CAST: variants seen among roughly 807,000 people sequenced by gnomAD.
CAST encodes calpastatin, also known as MIR583 host.
In CAST, 76 loss-of-function variants were observed where a neutral mutation model predicts 119.6. The ratio of observed to expected loss-of-function variants is 0.64; its 90% CI spans 0.53 to 0.77. The LOEUF (loss-of-function observed/expected upper bound fraction) is 0.77, where lower values mean the gene tolerates loss of function less well. Among genes scored for constraint, CAST ranks in the 30% least tolerant of loss-of-function variants. The pLI is 0.00. For missense variants in CAST, 953 were observed against 946.5 expected, an observed-to-expected ratio of 1.01 and a Z score of -0.09; for synonymous variants, 319 against 331.6, an observed-to-expected ratio of 0.96 and a Z score of 0.41.
the CAST span, among the ~76,000 whole-genome samples, chr5:96,243,951 G>A: frequency 6.6e-6 from 1 of 152,304 alleles, no homozygotes; most frequent in South Asian, 2.1e-4. Flanking sequence ...GATTAAGTGT[G>A]TTAATAACAT....
At chr5:96,431,280 T>C in the CAST span, among the ~76,000 whole-genome samples, 1 of 152,222 alleles carries the variant, frequency 6.6e-6, no homozygotes, top group Non-Finnish European at 1.5e-5. Context: ...CTGTTTTCTA[T>C]GCCTAGACTG....
chr5:96,243,461 A>T, the CAST span, among the ~76,000 whole-genome samples: 1 of 151,850 alleles, frequency 6.6e-6, no homozygotes, highest in Non-Finnish European at 1.5e-5. Context: ...CATTTTTAAA[A>T]TTTTTTTTGG....
At chr5:96,210,678 A>G in the CAST span, among the ~76,000 whole-genome samples, 2 of 152,118 alleles carry the variant, frequency 1.3e-5, no homozygotes, top group East Asian at 3.9e-4. Context: ...TTACTTTTTT[A>G]TATAAATGTT....
chr5:95,993,083 A>G, the CAST span, among the ~76,000 whole-genome samples: 13 of 152,328 alleles, frequency 8.5e-5, 1 homozygote, highest in South Asian at 2.7e-3. Context: ...AGATATAGCA[A>G]TGCAACACAA....
chr5:96,218,871 T>G, the CAST span, among the ~76,000 whole-genome samples: 5 of 152,006 alleles, frequency 3.3e-5, no homozygotes, highest in Non-Finnish European at 7.4e-5. Context: ...TCAGGGGAAG[T>G]TTAGAGTCAG....
chr5:96,380,902 A>C, the CAST span, among the ~76,000 whole-genome samples: 1 of 152,208 alleles, frequency 6.6e-6, no homozygotes, highest in East Asian at 1.9e-4. Flanking sequence ...AAGATAGACC[A>C]ATAGATTTTA....
the CAST span, among the ~76,000 whole-genome samples, chr5:96,399,469 A>G: frequency 1.3e-5 from 2 of 152,178 alleles, no homozygotes; most frequent in Admixed American, 1.3e-4. Flanking sequence ...GTGGTGTGCT[A>G]GAGGGAGTCT....
chr5:96,013,024 T>A, the CAST span, among the ~76,000 whole-genome samples: 1 of 152,188 alleles, frequency 6.6e-6, no homozygotes, highest in African/African-American at 2.4e-5. Flanking sequence ...GAGTTTCAGC[T>A]GAGCTGTAGG....
chr5:96,387,385 A>G, the CAST span, among the ~76,000 whole-genome samples: 3 of 152,222 alleles, frequency 2.0e-5, no homozygotes, highest in African/African-American at 7.2e-5. Context: ...AAGAATGACC[A>G]GAGCCAAGGG....
the CAST span, among the ~76,000 whole-genome samples, chr5:96,519,785 G>A: frequency 8.6e-5 from 13 of 152,000 alleles, no homozygotes; most frequent in Non-Finnish European, 1.5e-4. Context: ...TTTTGTATTT[G>A]TAGAAGGGAT....
chr5:96,337,967 T>A, the CAST span, among the ~76,000 whole-genome samples: 1 of 152,064 alleles, frequency 6.6e-6, no homozygotes, highest in African/African-American at 2.4e-5. Context: ...TAAGGAAAAC[T>A]TTTAATTTTT....
the CAST span, among the ~76,000 whole-genome samples, chr5:96,050,613 C>T: frequency 6.6e-6 from 1 of 152,188 alleles, no homozygotes; most frequent in Non-Finnish European, 1.5e-5. Context: ...AGGGCAAAAG[C>T]ATTAGGAAGA....
chr5:96,003,060 A>T, the CAST span, among the ~76,000 whole-genome samples: 1 of 151,950 alleles, frequency 6.6e-6, no homozygotes, highest in African/African-American at 2.4e-5. Flanking sequence ...ATGTAGCAAG[A>T]TCCCATCTCT....
At chr5:96,496,687 A>T in the CAST span, among the ~76,000 whole-genome samples, 3 of 152,252 alleles carry the variant, frequency 2.0e-5, no homozygotes, top group Non-Finnish European at 2.9e-5. Context: ...CAGCACTGTG[A>T]AACATCTATT....
chr5:96,507,102 C>G, the CAST span, among the ~76,000 whole-genome samples: 1 of 152,122 alleles, frequency 6.6e-6, no homozygotes, highest in East Asian at 1.9e-4. Flanking sequence ...CCAGAGCCCT[C>G]GGGGAGGATG....
chr5:96,405,075 A>G, the CAST span, among the ~76,000 whole-genome samples: 4 of 152,286 alleles, frequency 2.6e-5, no homozygotes, highest in East Asian at 7.7e-4. Context: ...TCTGGCATTC[A>G]GCTTTGGTAT....
At chr5:96,412,758 T>TTTTTTTTGTTTTTTTG in the CAST span, among the ~76,000 whole-genome samples, 36 of 143,278 alleles carry the variant, frequency 2.5e-4, 1 homozygote, top group African/African-American at 9.8e-4. Flanking sequence ...TGATGTTTTT[T>TTTTTTTTGTTTTTTTG]TTTTTTTTTT....
At chr5:96,231,914 C>G in the CAST span, among the ~76,000 whole-genome samples, 1 of 152,006 alleles carries the variant, frequency 6.6e-6, no homozygotes, top group East Asian at 1.9e-4. Flanking sequence ...AAAACTGGTT[C>G]ATGATGCCAA....
At chr5:96,287,936 C>T in the CAST span, among the ~76,000 whole-genome samples, 20 of 152,172 alleles carry the variant, frequency 1.3e-4, no homozygotes, top group East Asian at 5.8e-4. Flanking sequence ...AATCTTTTTA[C>T]GGTGGGATTT....
Sources: gnomAD v4.1 joint callset for allele counts (sites outside exome capture counted in the v4.1 genomes callset) on GRCh38, gnomAD v4.1.1 for gene constraint, MANE v1.5 for transcripts, NCBI Gene and HGNC (gene_info 2026-07-23, HGNC 2026-07-21) for gene names.